The following GCNT2 variants were observed in gnomAD, a reference collection of about 807,000 sequenced individuals.
The protein encoded by GCNT2 is N-acetyllactosaminide beta-1,6-N-acetylglucosaminyl-transferase.
In GCNT2, 34 loss-of-function variants were observed where a neutral mutation model predicts 34.2. The observed-to-expected ratio is 1.00, with a 90% CI of 0.76 to 1.32. The LOEUF is 1.32. Among genes scored for constraint, GCNT2 ranks in the 40% most tolerant of loss-of-function variants. The pLI, the probability that GCNT2 is intolerant of heterozygous loss-of-function variation, is 0.00. For missense variants in GCNT2, 584 were observed against 489.4 expected, an observed-to-expected ratio of 1.19 and a Z score of -1.82; for synonymous variants, 212 against 188.0, an observed-to-expected ratio of 1.13 and a Z score of -1.04.
chr6:10,546,006 T>C (rs1268307976), intron 3 of GCNT2, among the ~76,000 whole-genome samples: 1 of 152,142 alleles, frequency 6.6e-6, no homozygotes, highest in Non-Finnish European at 1.5e-5. Flanking sequence ...ATGTGTAATA[T>C]TTTCCCGATG....
intron 1 of GCNT2, among the ~76,000 whole-genome samples, chr6:10,526,649 G>T (rs560279325): frequency 1.3e-5 from 2 of 151,988 alleles, no homozygotes; most frequent in Admixed American, 1.3e-4. Context: ...AGCTCCTCCC[G>T]CCTTGGCCTC....
intron 3 of GCNT2, among the ~76,000 whole-genome samples, chr6:10,537,698 C>CAAAAAAAAAAAAAAAAAAAAAA: frequency 1.2e-5 from 1 of 83,228 alleles, no homozygotes; most frequent in Non-Finnish European, 2.2e-5. Flanking sequence ...GATTCTGCCG[C>CAAAAAAAAAAAAAAAAAAAAAA]AAAAAAAAAA....
At chr6:10,549,959 G>C (rs144394441) in intron 3 of GCNT2, among the ~76,000 whole-genome samples, 1 of 152,194 alleles carries the variant, frequency 6.6e-6, no homozygotes, top group East Asian at 1.9e-4. Flanking sequence ...CCACCAATTA[G>C]TTTTCCATAG....
intron 3 of GCNT2, among the ~76,000 whole-genome samples, chr6:10,606,674 A>AGGGAAATTTCCATTAAAGAAATTTAT (rs1765330423): frequency 6.6e-6 from 1 of 151,222 alleles, no homozygotes; most frequent in African/African-American, 2.4e-5. Flanking sequence ...AAGAAATTTA[A>AGGGAAATTTCCATTAAAGAAATTTAT]TAGTGGTTGA....
At chr6:10,622,742 CTTTTTTTTTTTTTTT>C (rs36097125) in intron 4 of GCNT2, among the ~76,000 whole-genome samples, 1 of 74,472 alleles carries the variant, frequency 1.3e-5, no homozygotes. Context: ...CTCAGTCCAT[CTTTTTTTTTTTTTTT>C]TTTTTTTTTT....
chr6:10,595,617 C>T (rs1270673387), intron 3 of GCNT2, among the ~76,000 whole-genome samples: 6 of 152,014 alleles, frequency 3.9e-5, no homozygotes, highest in Admixed American at 6.6e-5. Context: ...TACCATGTTC[C>T]AGAAAGGACT....
At chr6:10,608,648 A>G (rs1479028262) in intron 3 of GCNT2, among the ~76,000 whole-genome samples, 1 of 152,210 alleles carries the variant, frequency 6.6e-6, no homozygotes, top group Non-Finnish European at 1.5e-5. Flanking sequence ...AGCCTGCGCA[A>G]TAGAGCAGAG....
chr6:10,540,392 C>CTCT (rs59097369), intron 3 of GCNT2, among the ~76,000 whole-genome samples: 24 of 152,156 alleles, frequency 1.6e-4, no homozygotes, highest in South Asian at 6.2e-4. Flanking sequence ...CTCCTCTGTT[C>CTCT]AAGATCCAGT....
intron 3 of GCNT2, among the ~76,000 whole-genome samples, chr6:10,578,818 C>T (rs1040031633): frequency 2.0e-5 from 3 of 151,800 alleles, no homozygotes; most frequent in Non-Finnish European, 4.4e-5. Context: ...AACTTAGATC[C>T]ATTTTGTTGT....
chr6:10,619,159 A>G (rs1215338105), intron 3 of GCNT2: 1 of 152,152 alleles, frequency 6.6e-6, no homozygotes, highest in African/African-American at 2.4e-5. Context: ...AAAAACTATT[A>G]AAAATATTCA....
chr6:10,608,589 C>T (rs1765423301), intron 3 of GCNT2, among the ~76,000 whole-genome samples: 1 of 152,186 alleles, frequency 6.6e-6, no homozygotes, highest in Non-Finnish European at 1.5e-5. Context: ...ATCCTAGCCA[C>T]TCAGGAGGGT....
chr6:10,574,132 TAGA>T (rs1179389637), intron 3 of GCNT2, among the ~76,000 whole-genome samples: 3 of 152,202 alleles, frequency 2.0e-5, no homozygotes, highest in Non-Finnish European at 2.9e-5. Flanking sequence ...CTCCATTCTG[TAGA>T]AGAAGAAAGG....
At chr6:10,582,297 ATATATT>A (rs1179344814) in intron 3 of GCNT2, among the ~76,000 whole-genome samples, 8 of 118,946 alleles carry the variant, frequency 6.7e-5, no homozygotes, top group African/African-American at 2.7e-4. Flanking sequence ...TAATATTACT[ATATATT>A]TAATATATAG....
At chr6:10,602,262 A>C (rs1172956199) in intron 3 of GCNT2, among the ~76,000 whole-genome samples, 1 of 152,176 alleles carries the variant, frequency 6.6e-6, no homozygotes, top group African/African-American at 2.4e-5. Context: ...ACAGCTCAAG[A>C]AACCATGTTC....
intron 3 of GCNT2, among the ~76,000 whole-genome samples, chr6:10,588,208 T>C (rs1236764339): frequency 6.6e-6 from 1 of 152,210 alleles, no homozygotes; most frequent in East Asian, 1.9e-4. Context: ...GATGCTAAAC[T>C]GTCAGGTCAC....
At chr6:10,541,986 A>C (rs1762054594) in intron 3 of GCNT2, among the ~76,000 whole-genome samples, 1 of 152,090 alleles carries the variant, frequency 6.6e-6, no homozygotes, top group African/African-American at 2.4e-5. Context: ...AGGGAGCTTT[A>C]TATCTTTGCG....
At chr6:10,583,121 G>A (rs1302954404) in intron 3 of GCNT2, among the ~76,000 whole-genome samples, 1 of 152,116 alleles carries the variant, frequency 6.6e-6, no homozygotes, top group Admixed American at 6.5e-5. Context: ...AGGCCTCAAT[G>A]TGCTCATCTG....
rs545967922 is a variant in GCNT2 at position 10,628,078 on chromosome 6, G to C, written c.*1471G>C. 6.5e-6 allele frequency: 1 copy of C among 152,720 alleles called. No homozygotes were observed. The highest frequency in any genetic ancestry group is 1.5e-5 in the Non-Finnish European group (1 of 68,026). 9.5% of individuals were successfully genotyped at this position (152,720 alleles called of 1,614,324 possible). A position where few individuals can be genotyped will look rare whatever the true frequency, so the allele number is the denominator to read the frequency against. ...TCTGGGTGAGAATTGGGACTCTGTT[G>C]CTGGTCTTCTCAGTTCATTTCCTGA... On this transcript the variant is annotated 3_prime_UTR_variant, in exon 5 of 5. Transcript: ENST00000495262.
chr6:10,585,789 C>T, intron 3 of GCNT2: 2 of 1,436,848 alleles, frequency 1.4e-6, no homozygotes, highest in East Asian at 2.5e-5. Flanking sequence ...GGACGCACCG[C>T]ATCTCCAGGC....
Sources: allele counts gnomAD v4.1 joint callset (sites outside exome capture counted in the v4.1 genomes callset), GRCh38; gene constraint gnomAD v4.1.1; transcripts MANE v1.5; gene names NCBI Gene and HGNC (gene_info 2026-07-23, HGNC 2026-07-21).